The following KIZ variants were observed in gnomAD, a reference collection of about 807,000 sequenced individuals.
KIZ encodes centrosomal protein kizuna.
In KIZ, 68 loss-of-function variants were observed where a neutral mutation model predicts 79.6. The ratio of observed to expected loss-of-function variants is 0.85; its 90% CI spans 0.70 to 1.05. KIZ has a LOEUF of 1.05. Ranked by LOEUF, KIZ falls within the 50% of genes least tolerant of loss-of-function variation. KIZ has a pLI of 0.00. For missense variants in KIZ, 797 were observed against 800.4 expected, an observed-to-expected ratio of 1.00 and a Z score of 0.05; for synonymous variants, 280 against 281.8, an observed-to-expected ratio of 0.99 and a Z score of 0.06.
intron 11 of KIZ, among the ~76,000 whole-genome samples, chr20:21,233,067 A>G (rs2123452352): frequency 6.6e-6 from 1 of 152,372 alleles, no homozygotes; most frequent in South Asian, 2.1e-4. Context: ...TTGACACCTC[A>G]GTGAACCACA....
chr20:21,127,907 T>A (rs2031585252), intron 1 of KIZ, among the ~76,000 whole-genome samples: 2 of 152,106 alleles, frequency 1.3e-5, no homozygotes, highest in African/African-American at 4.8e-5. Context: ...TAATGGGCCT[T>A]AAAGTAAAAA....
chr20:21,224,738 C>T (rs2036606968), intron 9 of KIZ, among the ~76,000 whole-genome samples: 1 of 152,154 alleles, frequency 6.6e-6, no homozygotes, highest in African/African-American at 2.4e-5. Flanking sequence ...GACTGGTGAA[C>T]CACGTGTTTG....
intron 6 of KIZ, among the ~76,000 whole-genome samples, chr20:21,183,692 A>ATTT (rs111482721): frequency 1.3e-4 from 19 of 151,910 alleles, no homozygotes; most frequent in African/African-American, 4.3e-4. Context: ...AAATTACAGG[A>ATTT]TTTTTTTTTG....
chr20:21,126,965 A>G (rs995018402), intron 1 of KIZ, among the ~76,000 whole-genome samples: 5 of 152,276 alleles, frequency 3.3e-5, no homozygotes, highest in African/African-American at 1.2e-4. Context: ...AAGAAAGGAA[A>G]TACATTTTTG....
At chr20:21,197,204 C>T (rs552941120) in intron 6 of KIZ, 13 of 152,146 alleles carry the variant, frequency 8.5e-5, no homozygotes, top group East Asian at 1.9e-4. Context: ...TGTGATACAA[C>T]GACAGACCTA....
At chr20:21,175,225 C>A (rs1198010296) in intron 6 of KIZ, among the ~76,000 whole-genome samples, 1 of 152,174 alleles carries the variant, frequency 6.6e-6, no homozygotes, top group Non-Finnish European at 1.5e-5. Flanking sequence ...TCTAATCTTG[C>A]CTTTGCTTTT....
intron 6 of KIZ, among the ~76,000 whole-genome samples, chr20:21,187,016 C>A (rs910367275): frequency 6.6e-6 from 1 of 152,062 alleles, no homozygotes; most frequent in African/African-American, 2.4e-5. Context: ...GTCCGAAATG[C>A]TCCAAAATCT....
rs547298916 is a variant in KIZ, at chr20:21,139,482, A to G, written c.315+2930A>G. 7.9e-5 allele frequency among the ~76,000 whole-genome samples: 12 copies of G among 152,312 alleles called. 1 individual carries two copies. The South Asian group carries it at 2.3e-3, about 29-fold the overall frequency. ...AGTTCAAAAAAAGTTGTCATTATCA[A>G]TGTTGTAAACCACTTTTCAAAGATT... On this transcript the variant is annotated intron_variant, in intron 3 of 12. Transcript: ENST00000619189.
intron 6 of KIZ, among the ~76,000 whole-genome samples, chr20:21,182,022 C>T (rs930021272): frequency 6.6e-5 from 10 of 152,194 alleles, no homozygotes; most frequent in African/African-American, 2.4e-4. Flanking sequence ...CAGTGTTGAC[C>T]TCTTCCTACA....
At chr20:21,182,934 G>T (rs555529711) in intron 6 of KIZ, among the ~76,000 whole-genome samples, 1 of 151,974 alleles carries the variant, frequency 6.6e-6, no homozygotes, top group Non-Finnish European at 1.5e-5. Flanking sequence ...GGCTGGATTT[G>T]GTCACTCCTG....
chr20:21,229,962 A>G (rs898775017), intron 10 of KIZ, among the ~76,000 whole-genome samples: 2 of 152,078 alleles, frequency 1.3e-5, no homozygotes, highest in African/African-American at 4.8e-5. Flanking sequence ...TGTTATTTGT[A>G]TGTCTATTAT....
chr20:21,141,823 ACTCTCTCTCTCT>A (rs1229173337), intron 3 of KIZ, among the ~76,000 whole-genome samples: 1 of 103,944 alleles, frequency 9.6e-6, no homozygotes, highest in Admixed American at 1.0e-4. Context: ...ACACACACAC[ACTCTCTCTCTCT>A]CTCTCTCTCT....
chr20:21,233,284 G>T (rs2036894960), intron 11 of KIZ, among the ~76,000 whole-genome samples: 1 of 151,992 alleles, frequency 6.6e-6, no homozygotes, highest in African/African-American at 2.4e-5. Flanking sequence ...TTTAGGCTAG[G>T]TTATTCTTTC....
At chr20:21,242,023 G>C (rs1276305662) in intron 11 of KIZ, among the ~76,000 whole-genome samples, 8 of 152,210 alleles carry the variant, frequency 5.3e-5, no homozygotes, top group Non-Finnish European at 8.8e-5. Context: ...CCTATGCTTA[G>C]TGAAGTTCGC....
chr20:21,196,624 CCTGAAGT>C (rs2035354836), intron 6 of KIZ: 2 of 152,192 alleles, frequency 1.3e-5, no homozygotes, highest in Admixed American at 1.3e-4. Flanking sequence ...GTCAGATAGG[CCTGAAGT>C]CTGGAAGCTT....
intron 9 of KIZ, among the ~76,000 whole-genome samples, chr20:21,224,432 C>G (rs1217517148): frequency 6.6e-6 from 1 of 152,136 alleles, no homozygotes; most frequent in Non-Finnish European, 1.5e-5. Flanking sequence ...ACACCTAGTA[C>G]AATTTGAAAA....
intron 6 of KIZ, among the ~76,000 whole-genome samples, chr20:21,188,769 G>A (rs1600490336): frequency 6.6e-6 from 1 of 151,244 alleles, no homozygotes; most frequent in Admixed American, 6.6e-5. Flanking sequence ...GCACGATCTG[G>A]GCTCACTGCA....
intron 6 of KIZ, among the ~76,000 whole-genome samples, chr20:21,178,062 GTC>G (rs936645152): frequency 1.3e-5 from 2 of 151,866 alleles, no homozygotes; most frequent in African/African-American, 4.8e-5. Flanking sequence ...GCTGTTCAGG[GTC>G]TTTTGTGATT....
rs770777565 is a variant in KIZ, at chr20:21,246,303, A to C, written c.1925-176A>C. The C allele has an allele frequency of 4.8e-5, 29 of 606,108 alleles. No homozygotes were observed. The Middle Eastern group carries it at 1.0e-3, about 21-fold the overall frequency. The allele number at this position is 606,108 out of a possible 1,614,324, so 37.5% of individuals were successfully genotyped here. On this transcript the variant is annotated intron_variant, in intron 12 of 12. Coordinates refer to ENST00000619189, the MANE Select transcript of KIZ (RefSeq NM_018474.6). ...CAGAGGACACACTTTGCAATGTGTAATTTGTGCAGTATGACATGCATTTGG... is the reference window on the plus strand; with the variant it reads ...CAGAGGACACACTTTGCAATGTGTACTTTGTGCAGTATGACATGCATTTGG...
Sources: gnomAD v4.1 joint callset for allele counts (sites outside exome capture counted in the v4.1 genomes callset) on GRCh38, gnomAD v4.1.1 for gene constraint, MANE v1.5 for transcripts, NCBI Gene and HGNC (gene_info 2026-07-23, HGNC 2026-07-21) for gene names.